Variants in MPZL3 observed in about 807,000 individuals in gnomAD.
MPZL3 encodes the protein myelin protein zero-like protein 3.
Under a neutral mutation model 24.8 loss-of-function variants are expected in MPZL3, and 23 were observed. That is an observed-to-expected ratio of 0.93 (90% CI 0.67 to 1.31). MPZL3 has a LOEUF of 1.31. MPZL3 is among the 40% of genes most tolerant of loss of function. The probability of loss-of-function intolerance (pLI) is 0.00; values close to 1 mark genes in which losing one functional copy is unlikely to be tolerated. For synonymous variants in MPZL3, 99 were observed against 106.5 expected, an observed-to-expected ratio of 0.93 and a Z score of 0.44; for missense variants, 277 against 294.9, an observed-to-expected ratio of 0.94 and a Z score of 0.44.
chr11:118,249,249 T>A (rs1018449080), intron 1 of MPZL3, among the ~76,000 whole-genome samples: 7 of 152,244 alleles, frequency 4.6e-5, no homozygotes, highest in Non-Finnish European at 8.8e-5. Flanking sequence ...ACATTTTATA[T>A]ATCCTGATTT....
At chr11:118,234,257 TAACA>T (rs1315639497) in intron 4 of MPZL3, among the ~76,000 whole-genome samples, 1 of 152,194 alleles carries the variant, frequency 6.6e-6, no homozygotes, top group Non-Finnish European at 1.5e-5. Context: ...TGTTAAAACT[TAACA>T]AATATGTTAT....
At chr11:118,248,317 T>C (rs1949579058) in intron 1 of MPZL3, among the ~76,000 whole-genome samples, 1 of 152,150 alleles carries the variant, frequency 6.6e-6, no homozygotes, top group Non-Finnish European at 1.5e-5. Flanking sequence ...CCCAGCCCAG[T>C]TTCCTTTTTA....
chr11:118,230,067 C>A (rs1011105781), intron 5 of MPZL3, 147 bp from the exon 6 acceptor site: 2 of 641,466 alleles, frequency 3.1e-6, no homozygotes, highest in East Asian at 5.8e-5. Context: ...TAAATTCCCA[C>A]GGAGCTTCAC....
intron 1 of MPZL3, among the ~76,000 whole-genome samples, chr11:118,247,370 C>T (rs1949568188): frequency 1.3e-5 from 2 of 151,968 alleles, no homozygotes; most frequent in African/African-American, 2.4e-5. Flanking sequence ...AACATTTTTA[C>T]AAAAAATAAA....
intron 3 of MPZL3, among the ~76,000 whole-genome samples, chr11:118,236,160 G>A (rs1793139): frequency 0.78 from 118,660 of 152,180 alleles, 46,837 homozygotes; most frequent in African/African-American, 0.9. Flanking sequence ...TTAAGGCACT[G>A]ATTCATACTA....
rs1591492727 is a variant in MPZL3, at chr11:118,237,173, CCCCTTTGTATACATTT to C, written c.312_327del (p.Asn105MetfsTer4). On this transcript the variant is annotated frameshift_variant, in exon 3 of 6. Coordinates refer to ENST00000278949, the MANE Select transcript of MPZL3 (RefSeq NM_198275.3). Reference sequence around the variant, plus strand: ...GGGTTGCTTATACTTATAGATGCATCCCCTTTGTATACATTTCCAACCCAGGAAATCCGATCCCGAA... The same window carrying C: ...GGGTTGCTTATACTTATAGATGCATCCCAACCCAGGAAATCCGATCCCGAA... 1 of 1,614,070 alleles carries C rather than the reference CCCCTTTGTATACATTT, an allele frequency of 6.2e-7. No homozygotes were observed. Among genetic ancestry groups the C allele is most frequent in the Non-Finnish European group, 8.5e-7 (1 of 1,179,954 alleles).
rs1949294703 is a variant in MPZL3, at chr11:118,228,104, C to T, written c.*1790G>A. ...TTTGCCCTTCTACTTCCTCGCGTGA[C>T]CAGAGTCAAATCACAATGTCCTTCA... On this transcript the variant is annotated 3_prime_UTR_variant, in exon 6 of 6. Transcript: ENST00000278949. 1 of 152,126 alleles carries T rather than the reference C, an allele frequency of 6.6e-6. No individual in the cohort carries two copies. Among genetic ancestry groups the T allele is most frequent in the Non-Finnish European group, 1.5e-5 (1 of 68,042 alleles). The allele number at this position is 152,126 out of a possible 1,614,324, so 9.4% of individuals were successfully genotyped here.
chr11:118,232,301 AT>A (rs1460436499), intron 5 of MPZL3, among the ~76,000 whole-genome samples: 1 of 152,012 alleles, frequency 6.6e-6, no homozygotes, highest in East Asian at 1.9e-4. Flanking sequence ...AACCTATTAA[AT>A]GTCACACCCC....
rs890966628 is a variant in MPZL3 at position 118,235,550 on chromosome 11, A to G, written c.491T>C (p.Ile164Thr). 1.9e-6 allele frequency: 3 copies of G among 1,613,916 alleles called. No homozygotes were observed. Among genetic ancestry groups the G allele is most frequent in the Non-Finnish European group, 2.5e-6 (3 of 1,179,956 alleles). Reference protein sequence around the residue: ...TMLSSVALLSILVFVPSAVVV... With the variant: ...TMLSSVALLSTLVFVPSAVVV... ...CACGGCTGAGGGCACAAAGACAAGG[A>G]TGGAAAGAAGGGCCACAGAGGAAAG... The change falls in exon 4 of 6, where the codon ATC (isoleucine) becomes ACC (threonine). Residue 164 changes from isoleucine to threonine, a missense_variant. Physicochemically the swap from Ile to Thr is moderately conservative, Grantham distance 89. Transcript: ENST00000278949.
At chr11:118,242,469 A>G (rs2134709958) in intron 1 of MPZL3, among the ~76,000 whole-genome samples, 1 of 152,342 alleles carries the variant, frequency 6.6e-6, no homozygotes, top group East Asian at 1.9e-4. Context: ...TTGGACTACA[A>G]AATAAAATTC....
rs2134724015 is a variant in MPZL3, at chr11:118,252,356, C to T, written c.-62G>A. The T allele has an allele frequency of 1.3e-6, 2 of 1,531,084 alleles. No individual in the cohort carries two copies. The highest frequency in any genetic ancestry group is 1.8e-6 in the Non-Finnish European group (2 of 1,108,812). 94.8% of individuals were successfully genotyped at this position (1,531,084 alleles called of 1,614,324 possible). On this transcript the variant is annotated 5_prime_UTR_variant, in exon 1 of 6. Transcript: ENST00000278949. ...CAGCTCCCGGTAACGACACAGGTAA[C>T]ACCGGAAGTGACGTCAGAGCAGGAG... is the stretch of plus-strand genomic sequence containing the variant.
chr11:118,231,933 A>T lies in MPZL3; in HGVS notation c.681+1527T>A, dbSNP rs140913900. 7.9e-5 allele frequency among the ~76,000 whole-genome samples: 12 copies of T among 152,230 alleles called. No individual in the cohort carries two copies. In the East Asian group the frequency reaches 1.2e-3, roughly 15 times the overall value. The stretch of plus-strand genomic sequence containing the variant: ...TTGCTCGTTACCACCCATTCTCAAC[A>T]CAAAAGCCAGAGTAATACTTTTTAA... On this transcript the variant is annotated intron_variant, in intron 5 of 5. Transcript: ENST00000278949.
At chr11:118,246,585 CTTTT>C (rs71301655) in intron 1 of MPZL3, among the ~76,000 whole-genome samples, 1 of 123,276 alleles carries the variant, frequency 8.1e-6, no homozygotes, top group Non-Finnish European at 1.6e-5. Flanking sequence ...TTTTTCTTTT[CTTTT>C]TTTTTTTTTT....
At chr11:118,251,974 T>C (rs1390191398) in intron 1 of MPZL3, among the ~76,000 whole-genome samples, 2 of 152,172 alleles carry the variant, frequency 1.3e-5, no homozygotes, top group Admixed American at 6.5e-5. Flanking sequence ...TCAAGTATGC[T>C]ATCACCAAAC....
chr11:118,241,839 AC>A (rs1361928852), intron 1 of MPZL3, among the ~76,000 whole-genome samples: 2 of 151,894 alleles, frequency 1.3e-5, no homozygotes, highest in African/African-American at 4.8e-5. Flanking sequence ...TAAGAATCTG[AC>A]CCTCCCAAAG....
chr11:118,252,320 C>T lies in MPZL3; in HGVS notation c.-26G>A. On this transcript the variant is annotated 5_prime_UTR_variant, in exon 1 of 6. It adds an upstream start codon to the 5' untranslated region. Coordinates refer to ENST00000278949, the MANE Select transcript of MPZL3 (RefSeq NM_198275.3). ...CCCGGCAGCTCTTCAGATGCTTGCACACCTTGTTTACAGCTCCCGGTAACG... is the reference window on the plus strand; with the variant it reads ...CCCGGCAGCTCTTCAGATGCTTGCATACCTTGTTTACAGCTCCCGGTAACG... 6.2e-7 allele frequency: 1 copy of T among 1,611,594 alleles called. No individual in the cohort carries two copies. The highest frequency in any genetic ancestry group is 8.5e-7 in the Non-Finnish European group (1 of 1,178,110).
chr11:118,241,993 C>G (rs1949504557), intron 1 of MPZL3, among the ~76,000 whole-genome samples: 1 of 152,186 alleles, frequency 6.6e-6, no homozygotes, highest in Non-Finnish European at 1.5e-5. Context: ...GGCCCTCAAT[C>G]CTGACCCATC....
chr11:118,234,424 G>A (rs1949393682), intron 4 of MPZL3, among the ~76,000 whole-genome samples: 6 of 152,114 alleles, frequency 3.9e-5, no homozygotes, highest in Admixed American at 3.9e-4. Context: ...GAGTTTCCAG[G>A]CAAACAAGAG....
intron 2 of MPZL3, among the ~76,000 whole-genome samples, chr11:118,239,400 T>A (rs1252748840): frequency 6.6e-6 from 1 of 152,176 alleles, no homozygotes; most frequent in Non-Finnish European, 1.5e-5. Context: ...AGGACATTTT[T>A]CCAGTGAAGG....
Sources: allele counts gnomAD v4.1 joint callset (sites outside exome capture counted in the v4.1 genomes callset), GRCh38; gene constraint gnomAD v4.1.1; transcripts MANE v1.5; gene names NCBI Gene and HGNC (gene_info 2026-07-23, HGNC 2026-07-21).